The following ITPR2 variants were observed in gnomAD, a reference collection of about 807,000 sequenced individuals.
ITPR2 encodes inositol 1,4,5-trisphosphate-gated calcium channel ITPR2.
ITPR2 carries 207 observed loss-of-function variants against 317.1 expected under a neutral mutation model. The ratio of observed to expected loss-of-function variants is 0.65; its 90% confidence interval spans 0.58 to 0.73. The LOEUF (loss-of-function observed/expected upper bound fraction) is 0.73, where lower values mean the gene tolerates loss of function less well. ITPR2 is among the 30% of genes least tolerant of loss of function. ITPR2 has a pLI of 0.00. For missense variants in ITPR2, 2,613 were observed against 3,284.0 expected, an observed-to-expected ratio of 0.80 and a Z score of 4.99; for synonymous variants, 1,156 against 1,149.1, an observed-to-expected ratio of 1.01 and a Z score of -0.12.
At chr12:26,779,164 G>A (rs1170951406) in intron 2 of ITPR2, among the ~76,000 whole-genome samples, 1 of 152,198 alleles carries the variant, frequency 6.6e-6, no homozygotes, top group African/African-American at 2.4e-5. Context: ...AGATAGGGAT[G>A]CTGTTTGGAG....
At chr12:26,793,376 C>CA (rs1044957584) in intron 1 of ITPR2, among the ~76,000 whole-genome samples, 30 of 150,090 alleles carry the variant, frequency 2.0e-4, no homozygotes, top group South Asian at 4.2e-4. Context: ...TAAGGATAAC[C>CA]AAAAAAAAAC....
chr12:26,816,194 A>G (rs923419909), intron 1 of ITPR2, among the ~76,000 whole-genome samples: 13 of 152,060 alleles, frequency 8.5e-5, no homozygotes, highest in Non-Finnish European at 1.6e-4. Context: ...CCAAGCTTCC[A>G]AAAAGAAACT....
chr12:26,789,639 A>C (rs1950310940), intron 2 of ITPR2, among the ~76,000 whole-genome samples: 1 of 152,220 alleles, frequency 6.6e-6, no homozygotes, highest in Non-Finnish European at 1.5e-5. Flanking sequence ...TCAATCTCTT[A>C]CTAGGATCAA....
At chr12:26,360,364 C>T (rs1235916080) in intron 55 of ITPR2, among the ~76,000 whole-genome samples, 1 of 152,168 alleles carries the variant, frequency 6.6e-6, no homozygotes, top group African/African-American at 2.4e-5. Flanking sequence ...TTCCCGTCTT[C>T]GAGGTCCGCT....
chr12:26,348,679 G>A (rs1420743965), intron 55 of ITPR2, among the ~76,000 whole-genome samples: 1 of 152,166 alleles, frequency 6.6e-6, no homozygotes, highest in African/African-American at 2.4e-5. Context: ...AAAGGATACA[G>A]TTGTGTTCTT....
rs1435780057 is a variant in ITPR2, at chr12:26,525,259, C to T, written c.5073+24988G>A. 3.3e-5 allele frequency among the ~76,000 whole-genome samples: 5 copies of T among 152,148 alleles called. No individual in the cohort carries two copies. The East Asian group carries it at 7.7e-4, about 23-fold the overall frequency. On this transcript the variant is annotated intron_variant, in intron 37 of 56. Coordinates refer to ENST00000381340, the MANE Select transcript of ITPR2 (RefSeq NM_002223.4). Reference sequence around the variant, plus strand: ...CCAAACTTTCTGTTGCTAAAGCTTCCCAAAGTTCAGGTCTTCATGTCTTTC... The same window carrying T: ...CCAAACTTTCTGTTGCTAAAGCTTCTCAAAGTTCAGGTCTTCATGTCTTTC...
rs75657312 is a variant in ITPR2 at position 26,442,866 on chromosome 12, G to A, written c.6450+677C>T. On this transcript the variant is annotated intron_variant, in intron 46 of 56. Coordinates refer to ENST00000381340, the MANE Select transcript of ITPR2 (RefSeq NM_002223.4). ...ATGAATGTATAAATGTAAATTATAGGAGTGACAAGCGTCAACTACTCTGCT... is the reference window on the plus strand; with the variant it reads ...ATGAATGTATAAATGTAAATTATAGAAGTGACAAGCGTCAACTACTCTGCT... Among the ~76,000 whole-genome samples, 1,026 of 152,208 alleles carry A rather than the reference G, an allele frequency of 6.7e-3. 5 individuals are homozygous for A. The highest frequency in any genetic ancestry group is 0.011 in the Non-Finnish European group (721 of 68,006).
intron 39 of ITPR2, among the ~76,000 whole-genome samples, chr12:26,492,942 T>C (rs1237256150): frequency 7.4e-6 from 1 of 134,248 alleles, no homozygotes; most frequent in Non-Finnish European, 1.6e-5. Context: ...TATATATATA[T>C]AAAAGCATCA....
intron 37 of ITPR2, among the ~76,000 whole-genome samples, chr12:26,536,765 T>A (rs1381600730): frequency 6.6e-6 from 1 of 152,164 alleles, no homozygotes; most frequent in Non-Finnish European, 1.5e-5. Context: ...GGGTCACCCC[T>A]GATGATGGCA....
intron 51 of ITPR2, among the ~76,000 whole-genome samples, chr12:26,412,413 C>T (rs970852871): frequency 7.9e-5 from 12 of 152,278 alleles, no homozygotes; most frequent in Non-Finnish European, 1.8e-4. Context: ...GGCACATCCC[C>T]ATTAATCCTG....
chr12:26,610,501 A>C (rs142279423), intron 26 of ITPR2, among the ~76,000 whole-genome samples: 2,497 of 152,246 alleles, frequency 0.016, 78 homozygotes, highest in African/African-American at 0.058. Context: ...CTAGAGAAAA[A>C]TCAGCAAAGA....
At chr12:26,753,907 C>T (rs545671564) in intron 2 of ITPR2, among the ~76,000 whole-genome samples, 2 of 152,274 alleles carry the variant, frequency 1.3e-5, no homozygotes, top group Non-Finnish European at 2.9e-5. Flanking sequence ...ACCTTGTAAC[C>T]GTGTGGCCAT....
Position 26,715,288 on chromosome 12 carries a change from CA to C in ITPR2, c.855+10del, listed in dbSNP as rs1284752016. The C allele has an allele frequency of 1.2e-6, 2 of 1,602,276 alleles. No homozygotes were observed. The highest frequency in any genetic ancestry group is 1.7e-4 in the Middle Eastern group (1 of 5,982). ...TAAATATTTATTAAGTGCCAAAAAACATTTACATACCTCTATTTCCCAGAGT... is the reference window on the plus strand; with the variant it reads ...TAAATATTTATTAAGTGCCAAAAAACTTTACATACCTCTATTTCCCAGAGT... On this transcript the variant is annotated intron_variant, in intron 8 of 56. Transcript: ENST00000381340.
chr12:26,434,458 C>T (rs566217212), intron 48 of ITPR2, among the ~76,000 whole-genome samples: 7 of 152,258 alleles, frequency 4.6e-5, no homozygotes, highest in Admixed American at 3.9e-4. Flanking sequence ...GAGTAAAGAG[C>T]AACTGCCCAG....
At chr12:26,570,325 T>G (rs139542545) in intron 34 of ITPR2, among the ~76,000 whole-genome samples, 3 of 152,172 alleles carry the variant, frequency 2.0e-5, no homozygotes, top group Non-Finnish European at 4.4e-5. Context: ...TTAATAAATA[T>G]GTGAAAAATT....
chr12:26,568,011 T>TAA, intron 34 of ITPR2, among the ~76,000 whole-genome samples: 1 of 7,924 alleles, frequency 1.3e-4, no homozygotes, highest in South Asian at 5.6e-3. Context: ...ATATATTATA[T>TAA]ATATATATAT....
chr12:26,674,276 C>T (rs1454434016), intron 13 of ITPR2, among the ~76,000 whole-genome samples: 9 of 152,064 alleles, frequency 5.9e-5, no homozygotes, highest in Non-Finnish European at 8.8e-5. Context: ...GGAGGCATCA[C>T]GCTACCTGAC....
rs748852469 is a variant in ITPR2, at chr12:26,717,742, G to A, written c.526-1500C>T. Among the ~76,000 whole-genome samples, 11 of 152,182 alleles carry A rather than the reference G, an allele frequency of 7.2e-5. No homozygotes were observed. In the South Asian group the frequency reaches 8.3e-4, roughly 12 times the overall value. On this transcript the variant is annotated intron_variant, in intron 5 of 56. Coordinates refer to ENST00000381340, the MANE Select transcript of ITPR2 (RefSeq NM_002223.4). ...CTGAGGAAGAAGAAGAGTAGAAATC[G>A]GACAGATGGAATAAAAAGAGTAGAA...
At chr12:26,799,939 A>AGT (rs1565775490) in intron 1 of ITPR2, among the ~76,000 whole-genome samples, 2 of 152,028 alleles carry the variant, frequency 1.3e-5, no homozygotes, top group Non-Finnish European at 2.9e-5. Context: ...TTGGTGCTAG[A>AGT]AAAAGTGACT....
Sources: allele counts gnomAD v4.1 joint callset (sites outside exome capture counted in the v4.1 genomes callset), GRCh38; gene constraint gnomAD v4.1.1; transcripts MANE v1.5; gene names NCBI Gene and HGNC (gene_info 2026-07-23, HGNC 2026-07-21).